Variants in RBM25 observed in about 807,000 individuals in gnomAD.
RBM25 encodes the protein RNA binding motif protein 25, also known as RNA-binding protein 25.
Under a neutral mutation model 120.7 loss-of-function variants are expected in RBM25, and 19 were observed. The observed-to-expected ratio is 0.16, with a 90% confidence interval of 0.11 to 0.23. RBM25 has a LOEUF of 0.23. Among genes scored for constraint, RBM25 ranks in the 10% least tolerant of loss-of-function variants. The probability of loss-of-function intolerance (pLI) is 1.00; values close to 1 mark genes in which losing one functional copy is unlikely to be tolerated. For synonymous variants in RBM25, 390 were observed against 326.7 expected, an observed-to-expected ratio of 1.19 and a Z score of -2.09; for missense variants, 605 against 1,041.5, an observed-to-expected ratio of 0.58 and a Z score of 5.77.
intron 18 of RBM25, among the ~76,000 whole-genome samples, chr14:73,116,583 A>G (rs1896432212): frequency 6.6e-6 from 1 of 152,224 alleles, no homozygotes; most frequent in Non-Finnish European, 1.5e-5. Context: ...AATAGATTTC[A>G]GTCCTTGGGG....
intron 17 of RBM25, among the ~76,000 whole-genome samples, chr14:73,112,568 CT>C (rs3215402): frequency 0.016 from 2,431 of 152,104 alleles, 47 homozygotes; most frequent in East Asian, 0.048. Flanking sequence ...CTTTCTGCCC[CT>C]GAGAATGCTG....
At chr14:73,101,530 A>C (rs902087114) in intron 9 of RBM25, 9 of 150,856 alleles carry the variant, frequency 6.0e-5, no homozygotes, top group African/African-American at 7.3e-5. Flanking sequence ...ATATATATAT[A>C]TATCTCATAT....
chr14:73,089,851 T>A (rs1302503969), intron 6 of RBM25, among the ~76,000 whole-genome samples: 1 of 151,704 alleles, frequency 6.6e-6, no homozygotes, highest in Non-Finnish European at 1.5e-5. Context: ...ATTTTCACTA[T>A]GTAAGTGAGG....
intron 18 of RBM25, among the ~76,000 whole-genome samples, chr14:73,115,656 G>C (rs1896412336): frequency 6.6e-6 from 1 of 152,204 alleles, no homozygotes; most frequent in Non-Finnish European, 1.5e-5. Context: ...GTGATTTTGT[G>C]AGACAAGGAA....
chr14:73,119,620 G>T (rs1594941380), intron 18 of RBM25, 93 bp from the exon 19 acceptor site: 4 of 1,572,584 alleles, frequency 2.5e-6, no homozygotes, highest in Admixed American at 2.0e-5. Context: ...CTTATTGTCA[G>T]TGGATGAAAA....
At chr14:73,059,647 A>T (rs1894953060) in intron 1 of RBM25, among the ~76,000 whole-genome samples, 1 of 152,230 alleles carries the variant, frequency 6.6e-6, no homozygotes. Flanking sequence ...GCAGTAATGT[A>T]TAAATAATTT....
At chr14:73,081,454 G>A (rs185390151) in intron 4 of RBM25, among the ~76,000 whole-genome samples, 1 of 152,226 alleles carries the variant, frequency 6.6e-6, no homozygotes, top group Non-Finnish European at 1.5e-5. Context: ...AGGTCCCTTT[G>A]TTCGTCTCAT....
At chr14:73,101,024 T>C (rs1896045119) in intron 9 of RBM25, 1 of 152,214 alleles carries the variant, frequency 6.6e-6, no homozygotes, top group Non-Finnish European at 1.5e-5. Context: ...TGGTAAATTA[T>C]GAGGAAATCA....
At chr14:73,118,425 C>A (rs1336199199) in intron 18 of RBM25, among the ~76,000 whole-genome samples, 1 of 151,276 alleles carries the variant, frequency 6.6e-6, no homozygotes, top group Non-Finnish European at 1.5e-5. Flanking sequence ...CTGTAGTGCA[C>A]CATGATCATG....
intron 18 of RBM25, among the ~76,000 whole-genome samples, chr14:73,117,814 A>G (rs535285364): frequency 3.3e-5 from 5 of 152,014 alleles, no homozygotes; most frequent in Admixed American, 6.6e-5. Context: ...TCCTACCCCA[A>G]ACTTCCTCTA....
In RBM25 at chr14:73,096,990, A is replaced by G. The variant is rs1234687130; in HGVS notation, c.619A>G (p.Ile207Val). The G allele has an allele frequency of 6.2e-7, 1 of 1,613,950 alleles. No individual in the cohort carries two copies. ...DEETKRRDQM[I>V]KGAIEVLIRE... ...AGAAACAAAGAGGAGAGATCAGATGATTAAAGGGGCTATTGAAGTTTTAAT... is the reference window on the plus strand; with the variant it reads ...AGAAACAAAGAGGAGAGATCAGATGGTTAAAGGGGCTATTGAAGTTTTAAT... The change falls in exon 7 of 19, where the codon ATT becomes GTT. Residue 207 changes from isoleucine (I) to valine (V), a missense_variant. Around this residue, in one of 4 missense-constraint regions of RBM25, gnomAD observed 465 missense variants for 741.6 expected, o/e 0.63. Transcript: ENST00000261973.
chr14:73,074,866 C>T (rs764885977), intron 2 of RBM25, among the ~76,000 whole-genome samples: 2 of 151,770 alleles, frequency 1.3e-5, no homozygotes, highest in African/African-American at 2.4e-5. Context: ...CCACCATGCT[C>T]GGCTAATTTT....
chr14:73,118,022 A>C (rs1221259437), intron 18 of RBM25, among the ~76,000 whole-genome samples: 1 of 152,198 alleles, frequency 6.6e-6, no homozygotes, highest in Non-Finnish European at 1.5e-5. Flanking sequence ...CAATTTCCTC[A>C]TCCACCACTG....
In RBM25 at chr14:73,111,019, C is replaced by G; in HGVS notation, c.1881C>G (p.Ser627=). The part of the protein sequence containing the change: ...LRPISSAPSV[S]SASGNATPNT... ...CCATCAGCTCTGCTCCATCTGTTTC[C>G]TCTGCCAGTGGCAATGCAACACCTA... The change falls in exon 15 of 19, where the codon TCC becomes TCG. Residue 627 remains serine (S), a synonymous_variant. Transcript: ENST00000261973. 6.2e-7 allele frequency: 1 copy of G among 1,614,166 alleles called. No homozygotes were observed. The highest frequency in any genetic ancestry group is 8.5e-7 in the Non-Finnish European group (1 of 1,180,014).
intron 18 of RBM25, 138 bp from the exon 19 acceptor site, chr14:73,119,575 C>T: frequency 6.8e-7 from 1 of 1,468,054 alleles, no homozygotes. Context: ...ACTAAAACAA[C>T]CTTAAAATCT....
intron 17 of RBM25, 81 bp downstream of exon 17, chr14:73,112,331 TAC>T (rs1175261926): frequency 7.0e-5 from 92 of 1,306,864 alleles, no homozygotes; most frequent in Non-Finnish European, 8.5e-5. Context: ...GCAGAAATTT[TAC>T]AGAGTCAAGT....
rs1220564725 is a variant in RBM25, at chr14:73,121,971, C to CT, written c.*2167dup. Reference sequence around the variant, plus strand: ...ATTGTTACAGTAAATGTGGTAGAAACTGTTAATCGCTTAATGCCAGTTTAA... The same window carrying CT: ...ATTGTTACAGTAAATGTGGTAGAAACTTGTTAATCGCTTAATGCCAGTTTAA... On this transcript the variant is annotated 3_prime_UTR_variant, in exon 19 of 19. Coordinates refer to ENST00000261973, the MANE Select transcript of RBM25 (RefSeq NM_021239.3). 6.6e-6 allele frequency: 1 copy of CT among 152,170 alleles called. No individual in the cohort carries two copies. The highest frequency in any genetic ancestry group is 2.4e-5 in the African/African-American group (1 of 41,438). 9.4% of individuals were successfully genotyped at this position (152,170 alleles called of 1,614,324 possible). A position where few individuals can be genotyped will look rare whatever the true frequency, so the allele number is the denominator to read the frequency against.
intron 6 of RBM25, among the ~76,000 whole-genome samples, chr14:73,095,809 C>G (rs1895929703): frequency 6.6e-6 from 1 of 152,074 alleles, no homozygotes; most frequent in Non-Finnish European, 1.5e-5. Flanking sequence ...GGCATGTATG[C>G]ACATGAGCAT....
chr14:73,113,228 T>C (rs1204142324), intron 17 of RBM25, among the ~76,000 whole-genome samples: 2 of 151,884 alleles, frequency 1.3e-5, no homozygotes, highest in Non-Finnish European at 2.9e-5. Context: ...TGAGAACATG[T>C]GGTGTTTGGT....
Sources: allele counts gnomAD v4.1 joint callset (sites outside exome capture counted in the v4.1 genomes callset), GRCh38; gene constraint gnomAD v4.1.1; regional missense constraint gnomAD v4.1.1; transcripts MANE v1.5; gene names NCBI Gene and HGNC (gene_info 2026-07-23, HGNC 2026-07-21).